Variants in EML5 observed in about 807,000 individuals in gnomAD.
The protein encoded by EML5 is echinoderm microtubule-associated protein-like 5.
A neutral mutation model predicts 250.0 loss-of-function variants in EML5; 120 were observed. That is an observed-to-expected ratio of 0.48 (90% confidence interval 0.41 to 0.56). The LOEUF is 0.56. Ranked by LOEUF, EML5 falls within the 20% of genes least tolerant of loss-of-function variation. The probability of loss-of-function intolerance (pLI) is 0.00; values close to 1 mark genes in which losing one functional copy is unlikely to be tolerated. For synonymous variants in EML5, 771 were observed against 806.5 expected, an observed-to-expected ratio of 0.96 and a Z score of 0.75; for missense variants, 2,006 against 2,437.6, an observed-to-expected ratio of 0.82 and a Z score of 3.73.
intron 37 of EML5, chr14:88,621,980 T>C: frequency 2.4e-6 from 1 of 422,986 alleles, no homozygotes; most frequent in Non-Finnish European, 4.8e-6. Context: ...ATACTATTCC[T>C]ATCTGGCTGT....
chr14:88,777,273 CAG>C, intron 1 of EML5, among the ~76,000 whole-genome samples: 1 of 152,218 alleles, frequency 6.6e-6, no homozygotes, highest in South Asian at 2.1e-4. Flanking sequence ...AGCCTGGAGA[CAG>C]TGGCATAACA....
intron 1 of EML5, among the ~76,000 whole-genome samples, chr14:88,785,957 C>T (rs2094547098): frequency 6.6e-6 from 1 of 152,128 alleles, no homozygotes; most frequent in Admixed American, 6.5e-5. Context: ...CTCTCAATAG[C>T]CTATAAAATC....
rs1244953030 is a variant in EML5 at position 88,726,738 on chromosome 14, T to C, written c.1050-60A>G. The C allele has an allele frequency of 3.1e-6, 4 of 1,301,270 alleles. No homozygotes were observed. The African/African-American group carries it at 6.0e-5, about 19-fold the overall frequency. The allele number at this position is 1,301,270 out of a possible 1,614,324, so 80.6% of individuals were successfully genotyped here. On this transcript the variant is annotated intron_variant, in intron 7 of 43. Transcript: ENST00000554922. ...GCTAATGCATACTTTAGTAAAAATA[T>C]TTTGGTTAAAATAATCTCATCTTAA...
At chr14:88,652,623 T>C (rs2091684000) in intron 27 of EML5, among the ~76,000 whole-genome samples, 1 of 152,154 alleles carries the variant, frequency 6.6e-6, no homozygotes, top group Admixed American at 6.6e-5. Flanking sequence ...CCTCAAATTG[T>C]CCACTAACTT....
At chr14:88,699,647 T>C (rs1442466462) in intron 14 of EML5, among the ~76,000 whole-genome samples, 3 of 152,082 alleles carry the variant, frequency 2.0e-5, no homozygotes, top group African/African-American at 4.8e-5. Flanking sequence ...TTGTGAAGCA[T>C]TGATTGTCAG....
At position 88,705,591 on chromosome 14, in the gene EML5, G is replaced by A. The variant is rs763199246; in HGVS notation, c.1826-3C>T. 1.9e-6 allele frequency: 3 copies of A among 1,565,928 alleles called. No individual in the cohort carries two copies. The highest frequency in any genetic ancestry group is 2.6e-6 in the Non-Finnish European group (3 of 1,152,404). On this transcript the variant is annotated splice_region_variant and splice_polypyrimidine_tract_variant and intron_variant, in intron 11 of 43. Coordinates refer to ENST00000554922, the MANE Select transcript of EML5 (RefSeq NM_183387.3). ...ACTATGAGAGTCAGCCAGACTTTCT[G>A]TAATTTTTAAAAATGAAATGTTACT...
At chr14:88,759,978 G>T (rs2094216119) in intron 1 of EML5, among the ~76,000 whole-genome samples, 1 of 152,060 alleles carries the variant, frequency 6.6e-6, no homozygotes, top group Non-Finnish European at 1.5e-5. Context: ...GGACTAATTG[G>T]TCTTATAATG....
Position 88,622,794 on chromosome 14 carries a change from A to T in EML5, c.4899-76T>A, listed in dbSNP as rs184503352. On this transcript the variant is annotated intron_variant, in intron 36 of 43. Transcript: ENST00000554922. ...TTTTATTATAAACAAATACCAAGTT[A>T]TAAGCAGAATCTTTTTTTTTTAAAA... is the stretch of plus-strand genomic sequence containing the variant. 6.0e-4 allele frequency: 585 copies of T among 970,054 alleles called. 5 individuals are homozygous for T. In the African/African-American group the frequency reaches 0.011, roughly 17 times the overall value. The allele number at this position is 970,054 out of a possible 1,614,324, so 60.1% of individuals were successfully genotyped here. A position where few individuals can be genotyped will look rare whatever the true frequency, so the allele number is the denominator to read the frequency against.
At chr14:88,719,633 T>A (rs981053526) in intron 8 of EML5, among the ~76,000 whole-genome samples, 1 of 152,034 alleles carries the variant, frequency 6.6e-6, no homozygotes. Flanking sequence ...TTTTCTACTT[T>A]AAAATATTTG....
At position 88,618,265 on chromosome 14, in the gene EML5, C is replaced by A. The variant is rs1468961716; in HGVS notation, c.5605G>T (p.Ala1869Ser). 5 of 1,613,668 alleles carry A rather than the reference C, an allele frequency of 3.1e-6. No homozygotes were observed. The highest frequency in any genetic ancestry group is 4.2e-6 in the Non-Finnish European group (5 of 1,179,856). The change falls in exon 41 of 44, where the codon GCC (alanine) becomes TCC (serine). Residue 1869 changes from alanine to serine, a missense_variant. Physicochemically the swap from Ala to Ser is moderately conservative, Grantham distance 99. Around this residue, in one of 7 missense-constraint regions of EML5, gnomAD observed 405 missense variants for 523.3 expected, o/e 0.77. Coordinates refer to ENST00000554922, the MANE Select transcript of EML5 (RefSeq NM_183387.3). ...VPSGKHLMDH[A>S]AIDRITWATW... is the part of the protein sequence containing the mutation. ...GCCCAAGTAATTCTGTCAATAGCGGCATGATCCATAAGATGTTTTCCTGAA... is the reference window on the plus strand; with the variant it reads ...GCCCAAGTAATTCTGTCAATAGCGGAATGATCCATAAGATGTTTTCCTGAA...
intron 1 of EML5, among the ~76,000 whole-genome samples, chr14:88,768,978 C>T (rs946272642): frequency 2.6e-5 from 4 of 152,150 alleles, no homozygotes; most frequent in Admixed American, 6.5e-5. Context: ...AATATGTAAA[C>T]CATGCATTCC....
chr14:88,719,827 C>A (rs2093562371), intron 8 of EML5, among the ~76,000 whole-genome samples: 1 of 151,408 alleles, frequency 6.6e-6, no homozygotes, highest in African/African-American at 2.4e-5. Context: ...AAAATCCCTC[C>A]AAAAAATTAA....
intron 1 of EML5, among the ~76,000 whole-genome samples, chr14:88,781,490 C>T (rs2094497152): frequency 6.6e-6 from 1 of 152,180 alleles, no homozygotes; most frequent in Non-Finnish European, 1.5e-5. Context: ...ATTATAATTA[C>T]TAAAAATAGT....
At chr14:88,639,760 T>C (rs903988711) in intron 31 of EML5, among the ~76,000 whole-genome samples, 1 of 152,130 alleles carries the variant, frequency 6.6e-6, no homozygotes, top group Non-Finnish European at 1.5e-5. Flanking sequence ...TTTGTATTTT[T>C]AGTAGATACG....
intron 1 of EML5, among the ~76,000 whole-genome samples, chr14:88,772,470 A>G (rs2094402969): frequency 6.6e-6 from 1 of 152,202 alleles, no homozygotes; most frequent in Non-Finnish European, 1.5e-5. Context: ...TGTAAGATAT[A>G]CCTTCGGCCG....
intron 12 of EML5, 87 bp from the exon 13 acceptor site, chr14:88,705,065 G>T: frequency 1.2e-6 from 1 of 868,558 alleles, no homozygotes; most frequent in Non-Finnish European, 1.7e-6. Context: ...TTCAGACATT[G>T]TCTGAAAACA....
intron 21 of EML5, among the ~76,000 whole-genome samples, chr14:88,679,904 A>C (rs1161400806): frequency 6.6e-6 from 1 of 152,152 alleles, no homozygotes; most frequent in Non-Finnish European, 1.5e-5. Context: ...GCGTATAGTA[A>C]GGGCCTTTTA....
At chr14:88,677,072 T>C (rs2092611500) in intron 21 of EML5, among the ~76,000 whole-genome samples, 1 of 152,044 alleles carries the variant, frequency 6.6e-6, no homozygotes, top group Non-Finnish European at 1.5e-5. Context: ...ACCTGGTTAA[T>C]TTTTGTATTT....
chr14:88,779,573 A>G (rs1216492623), intron 1 of EML5, among the ~76,000 whole-genome samples: 1 of 152,336 alleles, frequency 6.6e-6, no homozygotes, highest in East Asian at 1.9e-4. Flanking sequence ...CTAATTAAAA[A>G]GCTCAAATTG....
Sources: allele counts gnomAD v4.1 joint callset (sites outside exome capture counted in the v4.1 genomes callset), GRCh38; gene constraint gnomAD v4.1.1; regional missense constraint gnomAD v4.1.1; transcripts MANE v1.5; gene names NCBI Gene and HGNC (gene_info 2026-07-23, HGNC 2026-07-21).